The following ASH1L variants were observed in gnomAD, a reference collection of about 807,000 sequenced individuals.
ASH1L encodes ASH1 like histone lysine methyltransferase.
A neutral mutation model predicts 269.0 loss-of-function variants in ASH1L; 23 were observed. That is an observed-to-expected ratio of 0.09 (90% CI 0.06 to 0.12). ASH1L has a LOEUF of 0.12. Ranked by LOEUF, ASH1L falls within the 10% of genes least tolerant of loss-of-function variation. ASH1L has a pLI of 1.00. For missense variants in ASH1L, 2,912 were observed against 3,567.8 expected (o/e 0.82, Z 4.68); for synonymous variants, 1,187 against 1,253.5 (o/e 0.95, Z 1.12).
At chr1:155,469,674 C>T (rs987285369) in intron 3 of ASH1L, among the ~76,000 whole-genome samples, 4 of 152,164 alleles carry the variant, frequency 2.6e-5, no homozygotes, top group African/African-American at 4.8e-5. Context: ...CTATTTCCAA[C>T]CTTATCCTTT....
intron 7 of ASH1L, among the ~76,000 whole-genome samples, chr1:155,384,350 T>C (rs1657231203): frequency 1.3e-5 from 2 of 152,204 alleles, no homozygotes; most frequent in Non-Finnish European, 2.9e-5. Context: ...TCTTTGCTTT[T>C]AGGATGTGAA....
Position 155,344,265 on chromosome 1 carries a change from G to A in ASH1L, c.7899C>T (p.Pro2633=). ...GGGCATAGTGGGGCCGAGGGATCAT[G>A]GGAACCTCCTGATAGGAGCAGAAAG... ...CDPRPVDREV[P]MIPRPHYAQP... Residue 2633 remains proline, a synonymous_variant, in exon 22 of 28, where the codon CCC becomes CCT. Coordinates refer to ENST00000392403, the MANE Select transcript of ASH1L (RefSeq NM_018489.3). 6.2e-7 allele frequency: 1 copy of A among 1,613,966 alleles called. No individual in the cohort carries two copies. Among genetic ancestry groups the A allele is most frequent in the Non-Finnish European group, 8.5e-7 (1 of 1,179,878 alleles).
intron 6 of ASH1L, among the ~76,000 whole-genome samples, chr1:155,411,586 A>AATAAATAAATGAATATATATATATAT (rs1297131961): frequency 1.1e-4 from 6 of 55,192 alleles, no homozygotes; most frequent in Non-Finnish European, 1.9e-4. Context: ...TAAATAAATA[A>AATAAATAAATGAATATATATATATAT]ATATATATAT....
Position 155,338,381 on chromosome 1 carries a change from C to G in ASH1L, c.8511G>C (p.Trp2837Cys). 6.2e-7 allele frequency: 1 copy of G among 1,611,886 alleles called. No individual in the cohort carries two copies. The highest frequency in any genetic ancestry group is 8.5e-7 in the Non-Finnish European group (1 of 1,178,602). The change falls in exon 27 of 28, where the codon TGG becomes TGC. Residue 2837 changes from tryptophan (W) to cysteine (C), a missense_variant. Trp to Cys is a radical substitution (Grantham distance 215). Transcript: ENST00000392403. ...NYKRNGGRSS[W>C]KSERSKPPLK... ...GGGGTGGCTTTGAGCGCTCAGACTT[C>G]CAGGATGATCTGCCAGAAGGATATC...
chr1:155,428,036 C>G (rs990848303), intron 5 of ASH1L, among the ~76,000 whole-genome samples: 4 of 152,152 alleles, frequency 2.6e-5, no homozygotes, highest in Admixed American at 1.3e-4. Context: ...CTAGGAGATG[C>G]CAGCATCATG....
In ASH1L at chr1:155,546,945, CTTTTTTT is replaced by C. The variant is rs71080709; in HGVS notation, c.-100+15201_-100+15207del. 2.0e-4 allele frequency among the ~76,000 whole-genome samples: 18 copies of C among 88,198 alleles called. 1 individual carries two copies. Among genetic ancestry groups the C allele is most frequent in the African/African-American group, 5.6e-4 (12 of 21,312 alleles). 57.9% of individuals were successfully genotyped at this position (88,198 alleles called of 152,430 possible). A position where few individuals can be genotyped will look rare whatever the true frequency, so the allele number is the denominator to read the frequency against. On this transcript the variant is annotated intron_variant, in intron 1 of 27. Transcript: ENST00000392403. ...AAGACTACAAAGGTTTCATCACATT[CTTTTTTT>C]TTTTTTTTTTTTTTTTTTTGAGATG...
At chr1:155,490,474 G>C (rs990002986) in intron 2 of ASH1L, among the ~76,000 whole-genome samples, 1 of 151,408 alleles carries the variant, frequency 6.6e-6, no homozygotes, top group Non-Finnish European at 1.5e-5. Context: ...AAAAAATCCA[G>C]CTGGAAGTGG....
At chr1:155,340,199 T>C (rs184325313) in intron 25 of ASH1L, among the ~76,000 whole-genome samples, 122 of 151,760 alleles carry the variant, frequency 8.0e-4, no homozygotes, top group African/African-American at 2.8e-3. Flanking sequence ...TCTTTCTTTT[T>C]ATTTTTTGAG....
chr1:155,381,087 T>C (rs1656899348), intron 7 of ASH1L, among the ~76,000 whole-genome samples: 1 of 152,134 alleles, frequency 6.6e-6, no homozygotes, highest in Non-Finnish European at 1.5e-5. Flanking sequence ...GTGTTAATCA[T>C]GTGTTTGTGG....
chr1:155,338,491 G>A (rs1003881167), intron 26 of ASH1L, 101 bp from the exon 27 acceptor site: 1 of 1,052,024 alleles, frequency 9.5e-7, no homozygotes, highest in Non-Finnish European at 1.4e-6. Context: ...GAGTCCAGCA[G>A]TTAGAGCCTT....
At chr1:155,436,640 G>T (rs1485755065) in intron 5 of ASH1L, among the ~76,000 whole-genome samples, 1 of 151,594 alleles carries the variant, frequency 6.6e-6, no homozygotes, top group Non-Finnish European at 1.5e-5. Flanking sequence ...GGGATTACAG[G>T]CACACACCAC....
At chr1:155,489,391 T>C (rs1333433038) in intron 2 of ASH1L, among the ~76,000 whole-genome samples, 5 of 149,584 alleles carry the variant, frequency 3.3e-5, no homozygotes, top group Non-Finnish European at 1.5e-5. Context: ...GGACAATCAC[T>C]AGAACTCGGG....
chr1:155,404,581 T>C (rs1659109907), intron 6 of ASH1L, among the ~76,000 whole-genome samples: 2 of 152,048 alleles, frequency 1.3e-5, no homozygotes, highest in South Asian at 4.1e-4. Context: ...AAGACACACA[T>C]GACGGAATCC....
In ASH1L at chr1:155,554,244, T is replaced by A. The variant is rs114799210; in HGVS notation, c.-100+7909A>T. On this transcript the variant is annotated intron_variant, in intron 1 of 27. Transcript: ENST00000392403. ...GGACCACAGGTGGATGCCACCACAC[T>A]TGGCGAATTTTTTTTTTTTAATTTA... is the stretch of plus-strand genomic sequence containing the variant. Among the ~76,000 whole-genome samples the A allele has an allele frequency of 5.8e-3, 873 of 151,758 alleles. 9 individuals carry two copies. Among genetic ancestry groups the A allele is most frequent in the African/African-American group, 0.021 (852 of 41,442 alleles).
chr1:155,542,823 G>A (rs1051700827), intron 1 of ASH1L, among the ~76,000 whole-genome samples: 3 of 151,074 alleles, frequency 2.0e-5, no homozygotes, highest in Non-Finnish European at 4.4e-5. Context: ...GGGATTACAT[G>A]TGCCCGCCAC....
rs767615285 is a variant in ASH1L at position 155,490,968 on chromosome 1, CAAAAAAAAAAAAAAAAAAAAAAAAA to C, written c.421-8544_421-8520del. 7.0e-3 allele frequency among the ~76,000 whole-genome samples: 427 copies of C among 61,404 alleles called. 18 individuals are homozygous for C. The highest frequency in any genetic ancestry group is 0.026 in the East Asian group (70 of 2,664). The allele number at this position is 61,404 out of a possible 152,430, so 40.3% of individuals were successfully genotyped here. ...GGGAGACAGGGTGAGACCCTGATTC[CAAAAAAAAAAAAAAAAAAAAAAAAA>C]AAAAAAAAAAAAAAAAAAAAAGACT... On this transcript the variant is annotated intron_variant, in intron 2 of 27. Coordinates refer to ENST00000392403, the MANE Select transcript of ASH1L (RefSeq NM_018489.3).
upstream of ASH1L, chr1:155,562,836 TCCCC>T: frequency 2.5e-6 from 1 of 401,124 alleles, no homozygotes; most frequent in Non-Finnish European, 4.8e-6. Context: ...TCTTCTCTCC[TCCCC>T]CCCCTTCCCC....
intron 1 of ASH1L, among the ~76,000 whole-genome samples, chr1:155,557,016 A>T (rs949715486): frequency 1.3e-5 from 2 of 152,186 alleles, no homozygotes; most frequent in Admixed American, 1.3e-4. Flanking sequence ...AGCCTGGGTG[A>T]CATAGTAAGA....
intron 5 of ASH1L, among the ~76,000 whole-genome samples, chr1:155,424,734 T>A (rs191222609): frequency 2.0e-5 from 3 of 152,338 alleles, no homozygotes; most frequent in Non-Finnish European, 4.4e-5. Context: ...TGATTAATGC[T>A]GTATGTCTTT....
Sources: allele counts gnomAD v4.1 joint callset (sites outside exome capture counted in the v4.1 genomes callset), GRCh38; gene constraint gnomAD v4.1.1; transcripts MANE v1.5; gene names NCBI Gene and HGNC (gene_info 2026-07-23, HGNC 2026-07-21).